Variants in BIN3 observed in about 807,000 individuals in gnomAD.
The protein encoded by BIN3 is bridging integrator 3.
Under a neutral mutation model 38.2 loss-of-function variants are expected in BIN3, and 41 were observed. The ratio of observed to expected loss-of-function variants is 1.07; its 90% CI spans 0.84 to 1.39. The LOEUF (loss-of-function observed/expected upper bound fraction) is 1.39, where lower values mean the gene tolerates loss of function less well. BIN3 is among the 40% of genes most tolerant of loss of function. The pLI, the probability that BIN3 is intolerant of heterozygous loss-of-function variation, is 0.00. For missense variants in BIN3, 361 were observed against 324.3 expected (o/e 1.11, Z -0.87); for synonymous variants, 145 against 122.6 (o/e 1.18, Z -1.21).
chr8:22,625,190 C>A, intron 6 of BIN3: 1 of 636,290 alleles, frequency 1.6e-6, no homozygotes, highest in Non-Finnish European at 2.9e-6. Flanking sequence ...AGGTCCACAC[C>A]GGCCTCGTCT....
chr8:22,621,454 G>A lies in BIN3; in HGVS notation c.730C>T (p.Leu244Phe), dbSNP rs747619153. The change falls in exon 9 of 9, where the codon CTC becomes TTC. Residue 244 changes from leucine to phenylalanine, a missense_variant. Coordinates refer to ENST00000276416, the MANE Select transcript of BIN3 (RefSeq NM_018688.6). ...ERENEAKLSE[L>F]RALSIVADD ...TCGGCCACAATGGAGAGGGCCCGGA[G>A]CTCACTGAGTTTGGCCTCGTTCTCC... 57 of 1,613,662 alleles carry A rather than the reference G, an allele frequency of 3.5e-5. No individual in the cohort carries two copies. The highest frequency in any genetic ancestry group is 2.5e-6 in the Non-Finnish European group (3 of 1,179,856).
chr8:22,665,994 G>A (rs961886929), intron 1 of BIN3, among the ~76,000 whole-genome samples: 3 of 152,038 alleles, frequency 2.0e-5, no homozygotes, highest in East Asian at 1.9e-4. Context: ...TGACCAGGCC[G>A]CACTGTGAGT....
At chr8:22,644,578 G>C in intron 2 of BIN3, 177 bp downstream of exon 2, 1 of 615,066 alleles carries the variant, frequency 1.6e-6, no homozygotes, top group East Asian at 2.9e-5. Context: ...AGTGTCCCAG[G>C]ACAGGAGGCC....
At chr8:22,633,374 C>G (rs1409141395) in intron 4 of BIN3, among the ~76,000 whole-genome samples, 9 of 152,318 alleles carry the variant, frequency 5.9e-5, no homozygotes, top group Non-Finnish European at 7.4e-5. Flanking sequence ...GCCCATACCC[C>G]TCATTGTTCC....
chr8:22,647,733 C>G (rs1251680184), intron 1 of BIN3, among the ~76,000 whole-genome samples: 1 of 152,188 alleles, frequency 6.6e-6, no homozygotes, highest in African/African-American at 2.4e-5. Context: ...CTGATGATCA[C>G]AGAGACCTAT....
intron 1 of BIN3, among the ~76,000 whole-genome samples, chr8:22,660,016 T>C: frequency 6.6e-6 from 1 of 152,158 alleles, no homozygotes; most frequent in East Asian, 1.9e-4. Flanking sequence ...ATTATTTTTT[T>C]GTTTTGGGGG....
At chr8:22,633,482 G>A (rs751716328) in intron 4 of BIN3, among the ~76,000 whole-genome samples, 2 of 152,202 alleles carry the variant, frequency 1.3e-5, no homozygotes, top group Non-Finnish European at 2.9e-5. Context: ...GACCCCACCC[G>A]GGTCTCTGGA....
chr8:22,658,523 G>T (rs1375265387), intron 1 of BIN3, among the ~76,000 whole-genome samples: 1 of 152,152 alleles, frequency 6.6e-6, no homozygotes, highest in African/African-American at 2.4e-5. Context: ...AATTTGCTAG[G>T]TTTCTCCATC....
intron 2 of BIN3, among the ~76,000 whole-genome samples, chr8:22,642,618 C>A (rs1480615188): frequency 6.6e-6 from 1 of 152,236 alleles, no homozygotes; most frequent in East Asian, 1.9e-4. Flanking sequence ...TTGTGCCAGA[C>A]ACTGTGTTAG....
At position 22,623,910 on chromosome 8, in the gene BIN3, C is replaced by G. The variant is rs747115111; in HGVS notation, c.615+5G>C. On this transcript the variant is annotated splice_donor_5th_base_variant and intron_variant, in intron 8 of 8. Coordinates refer to ENST00000276416, the MANE Select transcript of BIN3 (RefSeq NM_018688.6). ...GCCCAGGGGAAGAGCACCTGGCGGC[C>G]TCACCTGAGCTCGGATGAGGGACTC... 1.2e-6 allele frequency: 2 copies of G among 1,611,102 alleles called. No individual in the cohort carries two copies. The highest frequency in any genetic ancestry group is 1.7e-6 in the Non-Finnish European group (2 of 1,179,070).
chr8:22,663,532 C>A (rs996130976), intron 1 of BIN3, among the ~76,000 whole-genome samples: 9 of 151,994 alleles, frequency 5.9e-5, no homozygotes, highest in African/African-American at 2.2e-4. Flanking sequence ...CAGGCCACTG[C>A]CAAAATAATC....
chr8:22,666,980 G>A (rs1017767645), intron 1 of BIN3, among the ~76,000 whole-genome samples: 1 of 152,130 alleles, frequency 6.6e-6, no homozygotes, highest in African/African-American at 2.4e-5. Context: ...ACCCAGCCCC[G>A]GTCTCCTTGC....
At chr8:22,651,887 T>A (rs1368007727) in intron 1 of BIN3, among the ~76,000 whole-genome samples, 1 of 152,208 alleles carries the variant, frequency 6.6e-6, no homozygotes, top group Non-Finnish European at 1.5e-5. Flanking sequence ...TTTCTTGTTT[T>A]CTGTTTCTTA....
intron 2 of BIN3, among the ~76,000 whole-genome samples, chr8:22,639,704 A>G (rs984303216): frequency 6.6e-6 from 1 of 152,228 alleles, no homozygotes; most frequent in African/African-American, 2.4e-5. Context: ...TGGGAAGACC[A>G]GAGCAATTTG....
In BIN3 at chr8:22,637,996, G is replaced by A. The variant is rs1986182; in HGVS notation, c.58-1034C>T. ...GGTAGAGTTGAGCACAGTGGGAATG[G>A]AACCCAGGCAGCCTGGCTCCACAGC... On this transcript the variant is annotated intron_variant, in intron 2 of 8. Coordinates refer to ENST00000276416, the MANE Select transcript of BIN3 (RefSeq NM_018688.6). Among the ~76,000 whole-genome samples the A allele has an allele frequency of 2.3e-3, 350 of 152,320 alleles. 7 individuals are homozygous for A. In the East Asian group the frequency reaches 0.062, roughly 27 times the overall value.
chr8:22,638,928 T>A (rs1253842384), intron 2 of BIN3, among the ~76,000 whole-genome samples: 2 of 152,172 alleles, frequency 1.3e-5, no homozygotes, highest in Non-Finnish European at 2.9e-5. Flanking sequence ...AAGAAAAAAA[T>A]TCAAAAATCA....
At chr8:22,653,459 T>C (rs563210646) in intron 1 of BIN3, among the ~76,000 whole-genome samples, 3 of 152,374 alleles carry the variant, frequency 2.0e-5, no homozygotes, top group South Asian at 2.1e-4. Flanking sequence ...AATCCAATTT[T>C]CTCTCTAGTT....
At chr8:22,640,417 G>A (rs1188274661) in intron 2 of BIN3, among the ~76,000 whole-genome samples, 1 of 148,594 alleles carries the variant, frequency 6.7e-6, no homozygotes, top group African/African-American at 2.5e-5. Context: ...TTGAACTCCT[G>A]GCCTCAAGTG....
intron 6 of BIN3, among the ~76,000 whole-genome samples, chr8:22,627,601 C>T (rs1219392002): frequency 6.6e-6 from 1 of 152,162 alleles, no homozygotes; most frequent in Non-Finnish European, 1.5e-5. Flanking sequence ...GAGCCTGTCC[C>T]CAGGCGTGAA....
Sources: gnomAD v4.1 joint callset for allele counts (sites outside exome capture counted in the v4.1 genomes callset) on GRCh38, gnomAD v4.1.1 for gene constraint, MANE v1.5 for transcripts, NCBI Gene and HGNC (gene_info 2026-07-23, HGNC 2026-07-21) for gene names.